Variants in VCAN observed in about 807,000 individuals in gnomAD.
VCAN encodes versican.
Under a neutral mutation model 245.5 loss-of-function variants are expected in VCAN, and 44 were observed. The observed-to-expected ratio is 0.18, with a 90% CI of 0.14 to 0.23. VCAN has a LOEUF of 0.23. VCAN is among the 10% of genes least tolerant of loss of function. The probability of loss-of-function intolerance (pLI) is 1.00; values close to 1 mark genes in which losing one functional copy is unlikely to be tolerated. For synonymous variants in VCAN, 1,413 were observed against 1,437.0 expected (o/e 0.98, Z 0.38); for missense variants, 3,793 against 4,057.9 (o/e 0.93, Z 1.77).
chr5:83,493,580 G>A lies in VCAN; in HGVS notation c.480G>A (p.Arg160=). Residue 160 remains arginine, a synonymous_variant, in exon 4 of 15, where the codon AGG becomes AGA. Coordinates refer to ENST00000265077, the MANE Select transcript of VCAN (RefSeq NM_004385.5). ...TTCACTACAGGGCGGCAACCAGCAG[G>A]TACACACTGAATTTTGAGGCTGCTC... ...VVFHYRAATS[R]YTLNFEAAQK... 6.2e-7 allele frequency: 1 copy of A among 1,613,814 alleles called. No homozygotes were observed. The highest frequency in any genetic ancestry group is 8.5e-7 in the Non-Finnish European group (1 of 1,180,016).
In VCAN at chr5:83,521,950, A is replaced by G. The variant is rs779784603; in HGVS notation, c.3644A>G (p.Asp1215Gly). 4 of 1,614,198 alleles carry G rather than the reference A, an allele frequency of 2.5e-6. No individual in the cohort carries two copies. Among genetic ancestry groups the G allele is most frequent in the Non-Finnish European group, 3.4e-6 (4 of 1,180,022 alleles). ...ATTACCACTGCCTTCAGTTCAGTAGACAGACTTCACACAACTTCAGCATTC... is the reference window on the plus strand; with the variant it reads ...ATTACCACTGCCTTCAGTTCAGTAGGCAGACTTCACACAACTTCAGCATTC... The part of the protein sequence containing the change: ...SDITTAFSSV[D>G]RLHTTSAFKP... The change falls in exon 7 of 15, where the codon GAC (aspartate) becomes GGC (glycine). Residue 1215 changes from aspartate to glycine, a missense_variant. Transcript: ENST00000265077.
chr5:83,516,381 A>T (rs1364231423), intron 6 of VCAN, among the ~76,000 whole-genome samples: 1 of 152,250 alleles, frequency 6.6e-6, no homozygotes, highest in Non-Finnish European at 1.5e-5. Flanking sequence ...TGTATAACAA[A>T]TTTAATATAG....
chr5:83,509,717 C>T (rs1054955709), intron 5 of VCAN, among the ~76,000 whole-genome samples: 11 of 152,142 alleles, frequency 7.2e-5, no homozygotes, highest in African/African-American at 1.9e-4. Flanking sequence ...ACTGTTGGCA[C>T]GCTGCCTTCT....
chr5:83,497,738 A>G (rs1745204359), intron 5 of VCAN, among the ~76,000 whole-genome samples: 1 of 152,088 alleles, frequency 6.6e-6, no homozygotes, highest in Non-Finnish European at 1.5e-5. Flanking sequence ...GTTTTAAGGT[A>G]GAGTTGAGAT....
At position 83,471,769 on chromosome 5, in the gene VCAN, C is replaced by G; in HGVS notation, c.-261C>G. 2.5e-6 allele frequency: 1 copy of G among 398,822 alleles called. No individual in the cohort carries two copies. Among genetic ancestry groups the G allele is most frequent in the African/African-American group, 2.1e-5 (1 of 48,778 alleles). The allele number at this position is 398,822 out of a possible 1,614,324, so 24.7% of individuals were successfully genotyped here. On this transcript the variant is annotated 5_prime_UTR_variant, in exon 1 of 15. Transcript: ENST00000265077. Reference sequence around the variant, plus strand: ...GCATTTGAACTTGCAGGCGAGCTGCCCCGAGCCTTTCTGGGGAAGAACTCC... The same window carrying G: ...GCATTTGAACTTGCAGGCGAGCTGCGCCGAGCCTTTCTGGGGAAGAACTCC...
At chr5:83,560,336 A>G (rs903480352) in intron 12 of VCAN, among the ~76,000 whole-genome samples, 5 of 152,118 alleles carry the variant, frequency 3.3e-5, no homozygotes, top group African/African-American at 1.2e-4. Context: ...AAGAAAAATG[A>G]GTTTTAGAAA....
intron 8 of VCAN, 143 bp downstream of exon 8, chr5:83,542,411 G>A (rs937115795): frequency 6.8e-6 from 6 of 884,936 alleles, no homozygotes; most frequent in Admixed American, 2.1e-5. Flanking sequence ...CCAGGCCACA[G>A]TATTGAGTTC....
chr5:83,539,776 CAGG>C lies in VCAN; in HGVS notation c.6776_6778del (p.Gly2259del), dbSNP rs776094102. 4.3e-6 allele frequency: 7 copies of C among 1,613,862 alleles called. No homozygotes were observed. Among genetic ancestry groups the C allele is most frequent in the Non-Finnish European group, 5.9e-6 (7 of 1,180,018 alleles). On this transcript the variant is annotated inframe_deletion, in exon 8 of 15. Coordinates refer to ENST00000265077, the MANE Select transcript of VCAN (RefSeq NM_004385.5). ...GAGCTCTTATTCTCTGGACTGGGAT[CAGG>C]AGAAGAAGTTTTACCTACTCTACCA...
chr5:83,510,881 C>G (rs1012861115), intron 5 of VCAN, among the ~76,000 whole-genome samples: 1 of 152,048 alleles, frequency 6.6e-6, no homozygotes, highest in African/African-American at 2.4e-5. Flanking sequence ...TTTGGGAGGC[C>G]GAGGCGGGTG....
intron 5 of VCAN, among the ~76,000 whole-genome samples, chr5:83,511,193 G>A (rs1470099326): frequency 6.6e-6 from 1 of 151,108 alleles, no homozygotes; most frequent in Admixed American, 6.6e-5. Flanking sequence ...CCAGGCTGGA[G>A]TGTGGTGGTG....
intron 5 of VCAN, among the ~76,000 whole-genome samples, chr5:83,495,314 C>A (rs868070572): frequency 1.3e-5 from 2 of 152,138 alleles, no homozygotes; most frequent in South Asian, 4.1e-4. Flanking sequence ...AATGCCTTGA[C>A]TAAATTTGCA....
intron 1 of VCAN, among the ~76,000 whole-genome samples, chr5:83,474,562 C>T (rs1183113993): frequency 2.6e-5 from 4 of 152,340 alleles, no homozygotes; most frequent in Non-Finnish European, 5.9e-5. Flanking sequence ...CGGGCGCTCC[C>T]CGCAGCGGCT....
At chr5:83,527,064 A>AC (rs1306847155) in intron 7 of VCAN, among the ~76,000 whole-genome samples, 7 of 151,974 alleles carry the variant, frequency 4.6e-5, no homozygotes, top group Admixed American at 4.6e-4. Context: ...GAAAACAACA[A>AC]CCCCCTGCCC....
intron 1 of VCAN, 55 bp downstream of exon 1, chr5:83,472,078 A>G (rs921686659): frequency 1.5e-5 from 4 of 258,294 alleles, no homozygotes; most frequent in African/African-American, 8.9e-5. Flanking sequence ...AAACTTATAG[A>G]AAAAAACCCG....
At chr5:83,514,930 T>C (rs188401876) in intron 6 of VCAN, among the ~76,000 whole-genome samples, 10 of 152,288 alleles carry the variant, frequency 6.6e-5, no homozygotes, top group African/African-American at 2.2e-4. Flanking sequence ...GCTGGTTATG[T>C]AGAGGAATTT....
chr5:83,493,425 A>C, intron 3 of VCAN, 121 bp from the exon 4 acceptor site: 1 of 1,288,356 alleles, frequency 7.8e-7, no homozygotes, highest in Non-Finnish European at 1.1e-6. Flanking sequence ...AAAAGTAAAT[A>C]ATTATTATGA....
At chr5:83,481,060 G>A (rs969986777) in intron 1 of VCAN, among the ~76,000 whole-genome samples, 1 of 152,150 alleles carries the variant, frequency 6.6e-6, no homozygotes, top group Non-Finnish European at 1.5e-5. Flanking sequence ...CAAAGTCACA[G>A]AATATAAGTA....
Position 83,518,285 on chromosome 5 carries a change from C to T in VCAN, c.1043-1064C>T, listed in dbSNP as rs576475029. 4.6e-5 allele frequency among the ~76,000 whole-genome samples: 7 copies of T among 151,928 alleles called. No homozygotes were observed. In the East Asian group the frequency reaches 1.4e-3, roughly 29 times the overall value. On this transcript the variant is annotated intron_variant, in intron 6 of 14. Transcript: ENST00000265077. ...TTATATAGTAGGCTGCTGCCTTTTC[C>T]CTGTGTTGAGAAAGAATCTTGTTTA... is the stretch of plus-strand genomic sequence containing the variant.
At chr5:83,556,561 A>C (rs1274065378) in intron 12 of VCAN, among the ~76,000 whole-genome samples, 2 of 152,226 alleles carry the variant, frequency 1.3e-5, no homozygotes, top group East Asian at 3.8e-4. Flanking sequence ...TAGGAAACAC[A>C]ACCTTAGAAT....
Sources: allele counts gnomAD v4.1 joint callset (sites outside exome capture counted in the v4.1 genomes callset), GRCh38; gene constraint gnomAD v4.1.1; transcripts MANE v1.5; gene names NCBI Gene and HGNC (gene_info 2026-07-23, HGNC 2026-07-21).